Variants in STARD13 observed in about 807,000 individuals in gnomAD.
The protein encoded by STARD13 is stAR-related lipid transfer protein 13.
STARD13 carries 62 observed loss-of-function variants against 106.4 expected under a neutral mutation model. The ratio of observed to expected loss-of-function variants is 0.58; its 90% CI spans 0.48 to 0.72. STARD13 has a LOEUF of 0.72. Among genes scored for constraint, STARD13 ranks in the 30% least tolerant of loss-of-function variants. The pLI is 0.00. For missense variants in STARD13, 1,387 were observed against 1,424.0 expected (o/e 0.97, Z 0.42); for synonymous variants, 565 against 553.0 (o/e 1.02, Z -0.31).
chr13:33,477,961 C>G, the STARD13 span, among the ~76,000 whole-genome samples: 1 of 151,088 alleles, frequency 6.6e-6, no homozygotes, highest in Admixed American at 6.6e-5. Context: ...TGCATCCAGA[C>G]GGTAAGACTT....
chr13:33,206,647 T>G (rs1302077360), intron 1 of STARD13, among the ~76,000 whole-genome samples: 1 of 152,228 alleles, frequency 6.6e-6, no homozygotes, highest in Non-Finnish European at 1.5e-5. Flanking sequence ...AGGTTCCAGA[T>G]GAGAGGCAGT....
chr13:33,195,916 G>A (rs1014309389), intron 1 of STARD13, among the ~76,000 whole-genome samples: 11 of 152,164 alleles, frequency 7.2e-5, no homozygotes, highest in Non-Finnish European at 1.2e-4. Context: ...GCTCTGTACT[G>A]TGGTTGGCAG....
chr13:33,333,444 C>T (rs1256417791), intron 1 of STARD13, among the ~76,000 whole-genome samples: 1 of 152,128 alleles, frequency 6.6e-6, no homozygotes, highest in African/African-American at 2.4e-5. Context: ...CCTCCTCCCT[C>T]CAACATGCAA....
chr13:33,325,047 C>CATATATAT (rs71071091), intron 1 of STARD13, among the ~76,000 whole-genome samples: 9 of 150,668 alleles, frequency 6.0e-5, no homozygotes, highest in African/African-American at 2.0e-4. Context: ...TGCATGTGTG[C>CATATATAT]ATATATATAT....
At chr13:33,489,758 C>T in the STARD13 span, among the ~76,000 whole-genome samples, 9 of 152,316 alleles carry the variant, frequency 5.9e-5, no homozygotes, top group East Asian at 1.7e-3. Context: ...CAGCGACGCA[C>T]CATGGGGCTA....
At chr13:33,578,568 A>C in the STARD13 span, among the ~76,000 whole-genome samples, 1 of 151,974 alleles carries the variant, frequency 6.6e-6, no homozygotes, top group Non-Finnish European at 1.5e-5. Flanking sequence ...ACCTAGAAAA[A>C]ACTCCTTTGG....
intron 1 of STARD13, among the ~76,000 whole-genome samples, chr13:33,238,048 T>C (rs1889280101): frequency 6.6e-6 from 1 of 152,234 alleles, no homozygotes; most frequent in South Asian, 2.1e-4. Flanking sequence ...GTTTTGAGAT[T>C]AGCTCTTCTA....
the STARD13 span, among the ~76,000 whole-genome samples, chr13:33,620,797 G>T: frequency 6.6e-6 from 1 of 150,422 alleles, no homozygotes; most frequent in Non-Finnish European, 1.5e-5. Context: ...ACAAATATTT[G>T]TATAGATAAA....
the STARD13 span, among the ~76,000 whole-genome samples, chr13:33,374,297 A>C: frequency 6.6e-6 from 1 of 152,188 alleles, no homozygotes; most frequent in Non-Finnish European, 1.5e-5. Context: ...TGGGAATTTG[A>C]TGTTTAATGA....
rs542810109 is a variant in STARD13 at position 33,227,217 on chromosome 13, CT to C, written c.169+58252del. Among the ~76,000 whole-genome samples the C allele has an allele frequency of 4.7e-4, 72 of 152,346 alleles. No individual in the cohort carries two copies. The South Asian group carries it at 0.014, about 30-fold the overall frequency. ...AGATCTCTAGCCATAAAGCCATTCC[CT>C]TAAAGTTCCATCGTTAGTCTTTTCT... On this transcript the variant is annotated intron_variant, in intron 1 of 13. Coordinates refer to ENST00000336934, the MANE Select transcript of STARD13 (RefSeq NM_178006.4).
intron 4 of STARD13, chr13:33,138,765 C>T: frequency 3.4e-5 from 15 of 437,466 alleles, no homozygotes; most frequent in Middle Eastern, 6.5e-4. Flanking sequence ...TGTTAGTCTT[C>T]CAGTGAGGCG....
the STARD13 span, among the ~76,000 whole-genome samples, chr13:33,671,458 T>C: frequency 6.6e-6 from 1 of 152,216 alleles, no homozygotes; most frequent in Non-Finnish European, 1.5e-5. Flanking sequence ...TAAAATAGGA[T>C]GGTCGTGATC....
chr13:33,314,715 C>T (rs1893264580), intron 1 of STARD13, among the ~76,000 whole-genome samples: 1 of 152,094 alleles, frequency 6.6e-6, no homozygotes, highest in Non-Finnish European at 1.5e-5. Flanking sequence ...AAGAAATGAC[C>T]AGAAAACTAA....
the STARD13 span, among the ~76,000 whole-genome samples, chr13:33,368,091 C>CT: frequency 2.0e-5 from 3 of 152,098 alleles, no homozygotes; most frequent in Non-Finnish European, 4.4e-5. Context: ...GTCTCTCCCC[C>CT]TTACTTCAAA....
the STARD13 span, among the ~76,000 whole-genome samples, chr13:33,598,442 A>G: frequency 6.6e-6 from 1 of 152,214 alleles, no homozygotes; most frequent in Non-Finnish European, 1.5e-5. Context: ...CTCTTTTTAA[A>G]TTAATCTATC....
At position 33,197,201 on chromosome 13, in the gene STARD13, A is replaced by T. The variant is rs190799553; in HGVS notation, c.170-29579T>A. Among the ~76,000 whole-genome samples, 6 of 152,160 alleles carry T rather than the reference A, an allele frequency of 3.9e-5. No homozygotes were observed. The East Asian group carries it at 1.2e-3, about 29-fold the overall frequency. ...CTATGGGAAGCTCAAGCCTTTGGTC[A>T]CCCCAGGTCCCGCTCAGCCAGCCCA... On this transcript the variant is annotated intron_variant, in intron 1 of 13. Transcript: ENST00000336934.
chr13:33,301,609 C>T (rs1356370699), intron 1 of STARD13, among the ~76,000 whole-genome samples: 3 of 134,410 alleles, frequency 2.2e-5, no homozygotes, highest in African/African-American at 5.6e-5. Flanking sequence ...GCTCTGTTGA[C>T]CAGGCTGGAG....
At chr13:33,140,448 G>C (rs1381985847) in intron 4 of STARD13, among the ~76,000 whole-genome samples, 1 of 152,234 alleles carries the variant, frequency 6.6e-6, no homozygotes, top group East Asian at 1.9e-4. Flanking sequence ...TCAGACAGCT[G>C]TTGGGAGGTT....
At chr13:33,668,815 G>A in the STARD13 span, among the ~76,000 whole-genome samples, 4 of 152,178 alleles carry the variant, frequency 2.6e-5, no homozygotes, top group Admixed American at 2.6e-4. Context: ...TTTTACATTG[G>A]TGTTTGCTCA....
Sources: allele counts gnomAD v4.1 joint callset (sites outside exome capture counted in the v4.1 genomes callset), GRCh38; gene constraint gnomAD v4.1.1; transcripts MANE v1.5; gene names NCBI Gene and HGNC (gene_info 2026-07-23, HGNC 2026-07-21).